FRYL: variants seen among roughly 807,000 people sequenced by gnomAD.
FRYL encodes FRY like transcription coactivator.
In FRYL, 150 loss-of-function variants were observed where a neutral mutation model predicts 351.2. That is an observed-to-expected ratio of 0.43 (90% CI 0.37 to 0.49). The LOEUF (loss-of-function observed/expected upper bound fraction) is 0.49. Among genes scored for constraint, FRYL ranks in the 20% least tolerant of loss-of-function variants. The probability of loss-of-function intolerance (pLI) is 0.00; values close to 1 mark genes in which losing one functional copy is unlikely to be tolerated. For synonymous variants in FRYL, 1,153 were observed against 1,257.1 expected, an observed-to-expected ratio of 0.92 and a Z score of 1.75; for missense variants, 3,036 against 3,619.3, an observed-to-expected ratio of 0.84 and a Z score of 4.13.
At chr4:48,684,391 A>G (rs1007000792) in intron 3 of FRYL, among the ~76,000 whole-genome samples, 4 of 152,178 alleles carry the variant, frequency 2.6e-5, no homozygotes, top group Non-Finnish European at 5.9e-5. Flanking sequence ...GCTAACAAAC[A>G]TTGAGAGGAT....
chr4:48,742,963 C>T (rs529398628), intron 1 of FRYL, among the ~76,000 whole-genome samples: 42 of 98,420 alleles, frequency 4.3e-4, no homozygotes, highest in Non-Finnish European at 8.3e-4. Context: ...TGCGCCACCA[C>T]GCCTGGATAA....
intron 2 of FRYL, among the ~76,000 whole-genome samples, chr4:48,692,454 A>G (rs939160849): frequency 6.6e-5 from 10 of 151,428 alleles, no homozygotes; most frequent in African/African-American, 2.4e-4. Context: ...GTGCAGTGGC[A>G]TGATCTCAGT....
At chr4:48,509,927 C>T (rs1321339188) in intron 59 of FRYL, 132 bp downstream of exon 59, 1 of 604,834 alleles carries the variant, frequency 1.7e-6, no homozygotes, top group Admixed American at 3.0e-5. Context: ...CTCAAAGAAC[C>T]TGCTGCTCTC....
At chr4:48,709,142 G>A (rs1200814572) in intron 2 of FRYL, among the ~76,000 whole-genome samples, 9 of 151,878 alleles carry the variant, frequency 5.9e-5, no homozygotes, top group African/African-American at 2.2e-4. Flanking sequence ...GGATGGTTTC[G>A]ATCTCCTGAC....
intron 1 of FRYL, among the ~76,000 whole-genome samples, chr4:48,754,276 T>C (rs111309698): frequency 2.6e-5 from 4 of 152,322 alleles, no homozygotes; most frequent in African/African-American, 9.6e-5. Context: ...ATACAATATG[T>C]GATTTTTTTT....
At chr4:48,551,832 C>T (rs1415223758) in intron 36 of FRYL, among the ~76,000 whole-genome samples, 3 of 152,110 alleles carry the variant, frequency 2.0e-5, no homozygotes, top group African/African-American at 7.2e-5. Flanking sequence ...TGGGTGAAAA[C>T]CAAGAAGCTT....
At chr4:48,531,034 C>T (rs1330024911) in intron 50 of FRYL, 122 bp downstream of exon 50, 2 of 684,232 alleles carry the variant, frequency 2.9e-6, no homozygotes, top group Non-Finnish European at 5.0e-6. Flanking sequence ...TTGTTCATAA[C>T]AGCTATCATA....
chr4:48,544,092 G>C, intron 43 of FRYL, 95 bp from the exon 44 acceptor site: 1 of 1,022,192 alleles, frequency 9.8e-7, no homozygotes. Context: ...CTAGCAGCTA[G>C]CACACTTCCT....
At chr4:48,717,824 A>G (rs1198566497) in intron 1 of FRYL, among the ~76,000 whole-genome samples, 7 of 151,456 alleles carry the variant, frequency 4.6e-5, no homozygotes, top group Non-Finnish European at 1.0e-4. Context: ...TTCAGGCATG[A>G]GCTATCACGC....
At chr4:48,669,947 AT>A (rs1405447044) in intron 3 of FRYL, among the ~76,000 whole-genome samples, 1 of 151,810 alleles carries the variant, frequency 6.6e-6, no homozygotes, top group Non-Finnish European at 1.5e-5. Flanking sequence ...TTTTAAAATC[AT>A]TTTTTACTTT....
intron 2 of FRYL, among the ~76,000 whole-genome samples, chr4:48,705,206 A>T (rs1370885022): frequency 6.6e-6 from 1 of 152,084 alleles, no homozygotes; most frequent in Non-Finnish European, 1.5e-5. Context: ...GTGGAAAGAT[A>T]TAAAAAGATT....
intron 16 of FRYL, among the ~76,000 whole-genome samples, chr4:48,593,681 C>T (rs1164005148): frequency 1.3e-5 from 2 of 151,976 alleles, no homozygotes; most frequent in African/African-American, 4.8e-5. Context: ...TATTTTCTAC[C>T]ACGCTTAAAC....
chr4:48,632,098 A>ATATATATATATATG (rs1553957561), intron 4 of FRYL, among the ~76,000 whole-genome samples: 265 of 21,372 alleles, frequency 0.012, 5 homozygotes, highest in South Asian at 0.03. Context: ...AAAAATATAT[A>ATATATATATATATG]TATATATATA....
chr4:48,504,131 G>T (rs902603020), intron 60 of FRYL, among the ~76,000 whole-genome samples: 10 of 151,950 alleles, frequency 6.6e-5, no homozygotes, highest in African/African-American at 2.2e-4. Flanking sequence ...GTGTGTGTGT[G>T]TATATATATG....
Position 48,567,302 on chromosome 4 carries a change from C to A in FRYL, c.3115G>T (p.Asp1039Tyr). ...AAGGCACTAAAATGGCATCGTATAT[C>A]CTTCAGTGTGTCAGAGTCTTTTTCA... The part of the protein sequence containing the change: ...ENEKDSDTLK[D>Y]IRCHFSALVA... The change falls in exon 28 of 64, where the codon GAT (aspartate) becomes TAT (tyrosine). Residue 1039 changes from aspartate (D) to tyrosine (Y), a missense_variant. Around this residue, in one of 7 missense-constraint regions of FRYL, gnomAD observed 492 missense variants for 551.5 expected, o/e 0.89. Transcript: ENST00000358350. The surrounding 1 kb of genome is among the most constrained non-coding windows in gnomAD (Gnocchi z 4.2). 1 of 1,612,782 alleles carries A rather than the reference C, an allele frequency of 6.2e-7. No homozygotes were observed. Among genetic ancestry groups the A allele is most frequent in the East Asian group, 2.2e-5 (1 of 44,752 alleles).
At chr4:48,597,036 C>T (rs936848893) in intron 13 of FRYL, among the ~76,000 whole-genome samples, 1 of 152,132 alleles carries the variant, frequency 6.6e-6, no homozygotes, top group Non-Finnish European at 1.5e-5. Context: ...CCTGTCTCCA[C>T]TGCCAGATCC....
At chr4:48,668,899 G>A (rs1263860739) in intron 3 of FRYL, among the ~76,000 whole-genome samples, 1 of 152,108 alleles carries the variant, frequency 6.6e-6, no homozygotes, top group African/African-American at 2.4e-5. Flanking sequence ...ACTGAATATT[G>A]CTTCCTGAAT....
At chr4:48,692,967 C>T (rs1222214914) in intron 2 of FRYL, among the ~76,000 whole-genome samples, 9 of 152,152 alleles carry the variant, frequency 5.9e-5, no homozygotes, top group Admixed American at 5.9e-4. Flanking sequence ...TGATTTCTCC[C>T]TTAAGAAAAA....
chr4:48,642,181 T>A (rs1310806818), intron 3 of FRYL, among the ~76,000 whole-genome samples: 1 of 152,176 alleles, frequency 6.6e-6, no homozygotes, highest in Non-Finnish European at 1.5e-5. Flanking sequence ...GTATAACAGG[T>A]TTTATTATTT....
Sources: allele counts gnomAD v4.1 joint callset (sites outside exome capture counted in the v4.1 genomes callset), GRCh38; gene constraint gnomAD v4.1.1; regional missense constraint gnomAD v4.1.1; non-coding constraint Gnocchi (gnomAD v3.1); transcripts MANE v1.5; gene names NCBI Gene and HGNC (gene_info 2026-07-23, HGNC 2026-07-21).